Variants in RPRD2 observed in about 807,000 individuals in gnomAD.
RPRD2 encodes regulation of nuclear pre-mRNA domain-containing protein 2.
RPRD2 carries 12 observed loss-of-function variants against 104.4 expected under a neutral mutation model. That is an observed-to-expected ratio of 0.11 (90% CI 0.07 to 0.19). The LOEUF (loss-of-function observed/expected upper bound fraction) is 0.19, where lower values mean the gene tolerates loss of function less well. Ranked by LOEUF, RPRD2 falls within the 10% of genes least tolerant of loss-of-function variation. RPRD2 has a pLI of 1.00. For synonymous variants in RPRD2, 714 were observed against 684.9 expected (o/e 1.04, Z -0.66); for missense variants, 1,543 against 1,790.1 (o/e 0.86, Z 2.49).
chr1:150,404,870 T>C (rs1663345018), intron 1 of RPRD2, among the ~76,000 whole-genome samples: 1 of 152,238 alleles, frequency 6.6e-6, no homozygotes, highest in Admixed American at 6.5e-5. Flanking sequence ...ATTGCACCTT[T>C]AGTGCATGTC....
intron 10 of RPRD2, among the ~76,000 whole-genome samples, chr1:150,470,154 TG>T (rs1668504710): frequency 6.6e-6 from 1 of 152,100 alleles, no homozygotes; most frequent in Non-Finnish European, 1.5e-5. Flanking sequence ...CAGATCTGTT[TG>T]CATTTAGAGA....
intron 10 of RPRD2, among the ~76,000 whole-genome samples, chr1:150,467,021 C>T (rs1432629167): frequency 1.3e-5 from 2 of 152,150 alleles, no homozygotes; most frequent in East Asian, 1.9e-4. Context: ...CAGGAGGATG[C>T]TCCTAAATAT....
intron 1 of RPRD2, among the ~76,000 whole-genome samples, chr1:150,415,723 A>G (rs923246421): frequency 2.0e-5 from 3 of 152,168 alleles, no homozygotes; most frequent in Non-Finnish European, 4.4e-5. Flanking sequence ...AGCATAGTTA[A>G]TGGAGCATAA....
chr1:150,391,476 T>A (rs587742154), intron 1 of RPRD2, among the ~76,000 whole-genome samples: 13 of 152,226 alleles, frequency 8.5e-5, no homozygotes, highest in South Asian at 4.1e-4. Flanking sequence ...TAAAAGGACA[T>A]ATACTTCAGG....
chr1:150,452,910 T>A (rs1667293478), intron 7 of RPRD2, among the ~76,000 whole-genome samples: 1 of 152,108 alleles, frequency 6.6e-6, no homozygotes, highest in Admixed American at 6.5e-5. Context: ...CCTCAGGTGA[T>A]CCGCCTGCCT....
In RPRD2 at chr1:150,437,770, G is replaced by A. The variant is rs115797261; in HGVS notation, c.336-3153G>A. Among the ~76,000 whole-genome samples, 1,275 of 151,780 alleles carry A rather than the reference G, an allele frequency of 8.4e-3. 26 individuals are homozygous for A. Among genetic ancestry groups the A allele is most frequent in the African/African-American group, 0.029 (1,220 of 41,400 alleles). On this transcript the variant is annotated intron_variant, in intron 2 of 10. Transcript: ENST00000369068. ...AGTTTTTGTATTTTTTGCAGAGATG[G>A]GGTTTCGCCACGTTGCCCAGGCTGG... is the stretch of plus-strand genomic sequence containing the variant.
chr1:150,426,866 G>A (rs782238735), intron 2 of RPRD2, among the ~76,000 whole-genome samples: 1 of 152,238 alleles, frequency 6.6e-6, no homozygotes, highest in Non-Finnish European at 1.5e-5. Context: ...GTTAAGATAG[G>A]CCGGGTGCTA....
chr1:150,473,435 T>G lies in RPRD2; in HGVS notation c.*101T>G. On this transcript the variant is annotated 3_prime_UTR_variant, in exon 11 of 11. Coordinates refer to ENST00000369068, the MANE Select transcript of RPRD2 (RefSeq NM_015203.5). Reference sequence around the variant, plus strand: ...TTATTTGTTTTCTCTTTCTCGATTTTTTTTTTATTATAACAAAGGGCCTCT... The same window carrying G: ...TTATTTGTTTTCTCTTTCTCGATTTGTTTTTTATTATAACAAAGGGCCTCT... The G allele has an allele frequency of 8.0e-7, 1 of 1,244,122 alleles. No homozygotes were observed. Among genetic ancestry groups the G allele is most frequent in the Non-Finnish European group, 1.1e-6 (1 of 910,448 alleles). 77.1% of individuals were successfully genotyped at this position (1,244,122 alleles called of 1,614,324 possible).
intron 1 of RPRD2, among the ~76,000 whole-genome samples, chr1:150,378,706 G>T (rs1240468583): frequency 2.6e-5 from 4 of 152,068 alleles, no homozygotes; most frequent in Non-Finnish European, 4.4e-5. Flanking sequence ...GGCTAGACAG[G>T]GTGGCTCACT....
At position 150,472,250 on chromosome 1, in the gene RPRD2, A is replaced by T. The variant is rs1156611385; in HGVS notation, c.3302A>T (p.Glu1101Val). 1.2e-6 allele frequency: 2 copies of T among 1,613,792 alleles called. No homozygotes were observed. The highest frequency in any genetic ancestry group is 1.3e-5 in the African/African-American group (1 of 74,912). Residue 1101 changes from glutamate to valine, a missense_variant, in exon 11 of 11, where the codon GAG becomes GTG. Transcript: ENST00000369068. ...HSASNRRMSG[E>V]PIQTVESIRV... Reference sequence around the variant, plus strand: ...GCATCCAATAGGAGGATGTCAGGGGAGCCGATCCAGACCGTAGAGTCCATC... The same window carrying T: ...GCATCCAATAGGAGGATGTCAGGGGTGCCGATCCAGACCGTAGAGTCCATC...
chr1:150,393,388 G>A (rs1183375463), intron 1 of RPRD2, among the ~76,000 whole-genome samples: 3 of 144,890 alleles, frequency 2.1e-5, no homozygotes, highest in Non-Finnish European at 4.5e-5. Flanking sequence ...AGTCCAGGAG[G>A]TTGAGGCTGC....
intron 9 of RPRD2, 40 bp downstream of exon 9, chr1:150,460,357 A>C: frequency 6.5e-7 from 1 of 1,539,942 alleles, no homozygotes; most frequent in Non-Finnish European, 8.9e-7. Context: ...GTTAATTTCC[A>C]TCTTTTTAAA....
At chr1:150,399,845 A>G (rs1458535242) in intron 1 of RPRD2, among the ~76,000 whole-genome samples, 2 of 151,872 alleles carry the variant, frequency 1.3e-5, no homozygotes, top group African/African-American at 4.8e-5. Context: ...TGCATCTTCT[A>G]ACAAAATTTT....
chr1:150,431,171 T>C (rs1447929855), intron 2 of RPRD2, among the ~76,000 whole-genome samples: 2 of 151,992 alleles, frequency 1.3e-5, no homozygotes, highest in Non-Finnish European at 2.9e-5. Context: ...TGTGGAAAAA[T>C]TGGAACCCAT....
At chr1:150,393,468 A>AT (rs1553883581) in intron 1 of RPRD2, among the ~76,000 whole-genome samples, 8 of 151,674 alleles carry the variant, frequency 5.3e-5, no homozygotes, top group African/African-American at 1.9e-4. Flanking sequence ...AAAAAAAAAA[A>AT]AAAAAAAAAC....
At chr1:150,438,208 TGAACTTGGGAG>T (rs1269878447) in intron 2 of RPRD2, among the ~76,000 whole-genome samples, 1 of 152,080 alleles carries the variant, frequency 6.6e-6, no homozygotes, top group Non-Finnish European at 1.5e-5. Context: ...AAGAATCGCT[TGAACTTGGGAG>T]GCGGAGGTTG....
chr1:150,456,853 A>C (rs1259760053), intron 7 of RPRD2, among the ~76,000 whole-genome samples: 1 of 151,772 alleles, frequency 6.6e-6, no homozygotes, highest in East Asian at 1.9e-4. Flanking sequence ...TGAACCCAGG[A>C]GGCAGAGGTT....
chr1:150,403,856 A>G (rs1553885961), intron 1 of RPRD2, among the ~76,000 whole-genome samples: 1 of 151,610 alleles, frequency 6.6e-6, no homozygotes, highest in East Asian at 1.9e-4. Context: ...CTGGCCTGAA[A>G]CTCTTGAACT....
At chr1:150,398,612 C>T (rs1354403416) in intron 1 of RPRD2, among the ~76,000 whole-genome samples, 2 of 151,766 alleles carry the variant, frequency 1.3e-5, no homozygotes, top group Non-Finnish European at 2.9e-5. Context: ...GGTGTGAACT[C>T]GGCTCACTAC....
Sources: allele counts gnomAD v4.1 joint callset (sites outside exome capture counted in the v4.1 genomes callset), GRCh38; gene constraint gnomAD v4.1.1; transcripts MANE v1.5; gene names NCBI Gene and HGNC (gene_info 2026-07-23, HGNC 2026-07-21).